Variants in URAD observed in about 807,000 individuals in gnomAD.
URAD encodes the protein putative 2-oxo-4-hydroxy-4-carboxy-5-ureidoimidazoline decarboxylase.
URAD carries 4 observed loss-of-function variants against 4.6 expected under a neutral mutation model. That is an observed-to-expected ratio of 0.87 (90% confidence interval 0.43 to 1.98). The LOEUF is 1.98. URAD is among the 30% of genes most tolerant of loss of function. URAD has a pLI of 0.03. For synonymous variants in URAD, 144 were observed against 118.2 expected, an observed-to-expected ratio of 1.22 and a Z score of -1.41; for missense variants, 300 against 255.3, an observed-to-expected ratio of 1.18 and a Z score of -1.19.
rs1869759123 is a variant in URAD, at chr13:27,978,054, G to C, written c.*52C>G. The stretch of plus-strand genomic sequence containing the variant: ...CGCCCAGGACGCACAGCTCCGGGCC[G>C]TGGCCCCCGCGCGTCCGGTTGTGCG... On this transcript the variant is annotated 3_prime_UTR_variant, in exon 2 of 2. Transcript: ENST00000332715. The C allele has an allele frequency of 7.2e-7, 1 of 1,380,260 alleles. No homozygotes were observed. Among genetic ancestry groups the C allele is most frequent in the Non-Finnish European group, 9.3e-7 (1 of 1,069,688 alleles). The allele number at this position is 1,380,260 out of a possible 1,614,324, so 85.5% of individuals were successfully genotyped here. A position where few individuals can be genotyped will look rare whatever the true frequency, so the allele number is the denominator to read the frequency against.
At chr13:27,980,902 TCTTGCA>T (rs1255488814) in intron 1 of URAD, among the ~76,000 whole-genome samples, 1 of 152,048 alleles carries the variant, frequency 6.6e-6, no homozygotes, top group African/African-American at 2.4e-5. Flanking sequence ...AGTTTTCCAC[TCTTGCA>T]GCGCGAGAAG....
chr13:27,980,446 GCC>G (rs1869841527), intron 1 of URAD, among the ~76,000 whole-genome samples: 1 of 152,156 alleles, frequency 6.6e-6, no homozygotes, highest in Non-Finnish European at 1.5e-5. Flanking sequence ...CTCAGCTCCC[GCC>G]CGGATCCCCT....
Position 27,988,550 on chromosome 13 carries a change from C to T in URAD, c.88G>A (p.Ala30Thr), listed in dbSNP as rs1454098082. The change falls in exon 1 of 2, where the codon GCT becomes ACT. Residue 30 changes from alanine (A) to threonine (T), a missense_variant. Transcript: ENST00000332715. ...AATGGCCGCTGGGACCAAACAGCAG[C>T]TGCAATCAGAGGACATCTCTCAGTG... The part of the protein sequence containing the change: ...NATERCPLIA[A>T]AVWSQRPFSD... The T allele has an allele frequency of 6.2e-7, 1 of 1,613,808 alleles. No homozygotes were observed. The highest frequency in any genetic ancestry group is 8.5e-7 in the Non-Finnish European group (1 of 1,179,852).
At position 27,977,809 on chromosome 13, in the gene URAD, T is replaced by A. The variant is rs905381414; in HGVS notation, c.*297A>T. On this transcript the variant is annotated 3_prime_UTR_variant, in exon 2 of 2. Transcript: ENST00000332715. The stretch of plus-strand genomic sequence containing the variant: ...GGAGAACTGGATAAACGCTTTGGAA[T>A]CCACAAAGGCCGGTGGTGTCGGGGG... 7.7e-6 allele frequency: 3 copies of A among 387,418 alleles called. No homozygotes were observed. Among genetic ancestry groups the A allele is most frequent in the African/African-American group, 4.2e-5 (2 of 47,624 alleles). 24.0% of individuals were successfully genotyped at this position (387,418 alleles called of 1,614,324 possible).
intron 1 of URAD, among the ~76,000 whole-genome samples, chr13:27,980,735 G>A (rs1017600967): frequency 1.3e-5 from 2 of 152,164 alleles, no homozygotes; most frequent in Non-Finnish European, 2.9e-5. Flanking sequence ...CGCAGGCCGC[G>A]CAGCAGAGGG....
rs540424021 is a variant in URAD at position 27,977,799 on chromosome 13, C to T, written c.*307G>A. On this transcript the variant is annotated 3_prime_UTR_variant, in exon 2 of 2. Coordinates refer to ENST00000332715, the MANE Select transcript of URAD (RefSeq NM_001105577.2). ...AGAGGGTTGGGGAGAACTGGATAAA[C>T]GCTTTGGAATCCACAAAGGCCGGTG... 1.0e-4 allele frequency: 39 copies of T among 377,976 alleles called. No homozygotes were observed. The highest frequency in any genetic ancestry group is 7.1e-4 in the African/African-American group (34 of 47,560). 23.4% of individuals were successfully genotyped at this position (377,976 alleles called of 1,614,324 possible). A position where few individuals can be genotyped will look rare whatever the true frequency, so the allele number is the denominator to read the frequency against.
At chr13:27,987,292 G>T (rs1015639698) in intron 1 of URAD, among the ~76,000 whole-genome samples, 7 of 152,146 alleles carry the variant, frequency 4.6e-5, no homozygotes, top group Non-Finnish European at 1.0e-4. Flanking sequence ...CCCTGAGGCA[G>T]CCTGGTCTCT....
chr13:27,980,770 G>A (rs1869851867), intron 1 of URAD, among the ~76,000 whole-genome samples: 1 of 152,112 alleles, frequency 6.6e-6, no homozygotes, highest in Non-Finnish European at 1.5e-5. Flanking sequence ...TCCCGCCAAC[G>A]TGGCGTACCC....
intron 1 of URAD, among the ~76,000 whole-genome samples, chr13:27,986,803 C>T (rs185315633): frequency 1.3e-5 from 2 of 152,218 alleles, no homozygotes; most frequent in East Asian, 1.9e-4. Context: ...GGGTGGGCTC[C>T]GGGGCCTCCT....
At position 27,978,364 on chromosome 13, in the gene URAD, C is replaced by G; in HGVS notation, c.264G>C (p.Gln88His). Residue 88 changes from glutamine to histidine, a missense_variant, in exon 2 of 2, where the codon CAG becomes CAC. By Grantham distance (24) the Gln-to-His change is conservative. Coordinates refer to ENST00000332715, the MANE Select transcript of URAD (RefSeq NM_001105577.2). ...GTLTAESQREQSGAGLRSLGA... is the reference protein window; with the variant it reads ...GTLTAESQREHSGAGLRSLGA... The stretch of plus-strand genomic sequence containing the variant: ...CCAGGCTCCTCAGGCCTGCGCCGCT[C>G]TGTTCCCGCTGCGACTCGGCCGTGA... 1 of 1,403,274 alleles carries G rather than the reference C, an allele frequency of 7.1e-7. No homozygotes were observed. The highest frequency in any genetic ancestry group is 9.2e-7 in the Non-Finnish European group (1 of 1,085,300). The allele number at this position is 1,403,274 out of a possible 1,614,324, so 86.9% of individuals were successfully genotyped here. A position where few individuals can be genotyped will look rare whatever the true frequency, so the allele number is the denominator to read the frequency against.
At chr13:27,986,411 G>A (rs148512596) in intron 1 of URAD, among the ~76,000 whole-genome samples, 586 of 152,218 alleles carry the variant, frequency 3.8e-3, no homozygotes, top group Non-Finnish European at 6.8e-3. Context: ...GTCCAGTGCT[G>A]CCCACACTCC....
At chr13:27,987,919 TAGATAGATAGATA>T (rs1870080850) in intron 1 of URAD, among the ~76,000 whole-genome samples, 4 of 139,700 alleles carry the variant, frequency 2.9e-5, no homozygotes, top group African/African-American at 7.9e-5. Flanking sequence ...GATAGATAGA[TAGATAGATAGATA>T]GATTTTTAAA....
At chr13:27,984,441 G>T (rs910481946) in intron 1 of URAD, among the ~76,000 whole-genome samples, 1 of 152,070 alleles carries the variant, frequency 6.6e-6, no homozygotes, top group Admixed American at 6.6e-5. Flanking sequence ...ATTAATCCTG[G>T]ACTGCCACCT....
intron 1 of URAD, among the ~76,000 whole-genome samples, chr13:27,978,692 C>T (rs1324436846): frequency 6.6e-6 from 1 of 152,214 alleles, no homozygotes; most frequent in Non-Finnish European, 1.5e-5. Context: ...GTCCCCACTA[C>T]ATTCGGTCGG....
At chr13:27,987,892 TGATAGATAGATAGATAGATA>T (rs6144971) in intron 1 of URAD, among the ~76,000 whole-genome samples, 44 of 150,196 alleles carry the variant, frequency 2.9e-4, no homozygotes, top group Middle Eastern at 3.4e-3. Context: ...AATAGATAGA[TGATAGATAGATAGATAGATA>T]GATAGATAGA....
At chr13:27,985,294 C>T (rs962688227) in intron 1 of URAD, among the ~76,000 whole-genome samples, 1 of 151,496 alleles carries the variant, frequency 6.6e-6, no homozygotes, top group Non-Finnish European at 1.5e-5. Context: ...CCCATCTCTA[C>T]TAAAAATAGA....
Position 27,978,468 on chromosome 13 carries a change from G to C in URAD, c.176-16C>G. ...CCCTCCTGGCCTGCGGAGAAGCACA[G>C]ACACCGGCGGGAGCGCGTCAACCGC... On this transcript the variant is annotated splice_polypyrimidine_tract_variant and intron_variant, in intron 1 of 1. Transcript: ENST00000332715. The C allele has an allele frequency of 7.6e-7, 1 of 1,309,598 alleles. No individual in the cohort carries two copies. The highest frequency in any genetic ancestry group is 9.7e-7 in the Non-Finnish European group (1 of 1,033,908). The allele number at this position is 1,309,598 out of a possible 1,614,324, so 81.1% of individuals were successfully genotyped here.
At chr13:27,979,663 A>G (rs1336677216) in intron 1 of URAD, among the ~76,000 whole-genome samples, 2 of 152,226 alleles carry the variant, frequency 1.3e-5, no homozygotes, top group Non-Finnish European at 2.9e-5. Context: ...GGCGCTGGGA[A>G]TAGGCGTGGG....
At position 27,978,098 on chromosome 13, in the gene URAD, C is replaced by T. The variant is rs1182184437; in HGVS notation, c.*8G>A. 6.8e-7 allele frequency: 1 copy of T among 1,478,772 alleles called. No homozygotes were observed. The highest frequency in any genetic ancestry group is 8.8e-7 in the Non-Finnish European group (1 of 1,129,954). 91.6% of individuals were successfully genotyped at this position (1,478,772 alleles called of 1,614,324 possible). Reference sequence around the variant, plus strand: ...TTGTGCGTCCCGGGTCCCTGGCCCGCGCGGCAGCTACAGCTTGGCGGGGTC... The same window carrying T: ...TTGTGCGTCCCGGGTCCCTGGCCCGTGCGGCAGCTACAGCTTGGCGGGGTC... On this transcript the variant is annotated 3_prime_UTR_variant, in exon 2 of 2. Transcript: ENST00000332715.
Sources: allele counts gnomAD v4.1 joint callset (sites outside exome capture counted in the v4.1 genomes callset), GRCh38; gene constraint gnomAD v4.1.1; transcripts MANE v1.5; gene names NCBI Gene and HGNC (gene_info 2026-07-23, HGNC 2026-07-21).